SCAF11: variants seen among roughly 807,000 people sequenced by gnomAD.
SCAF11 encodes the protein SR-related CTD associated factor 11.
A neutral mutation model predicts 140.5 loss-of-function variants in SCAF11; 47 were observed. The observed-to-expected ratio is 0.33, with a 90% confidence interval of 0.26 to 0.43. The LOEUF is 0.43. SCAF11 is among the 20% of genes least tolerant of loss of function. The pLI is 1.00. For synonymous variants in SCAF11, 557 were observed against 579.4 expected (o/e 0.96, Z 0.55); for missense variants, 1,645 against 1,705.1 (o/e 0.96, Z 0.62).
intron 1 of SCAF11, among the ~76,000 whole-genome samples, chr12:45,983,347 T>C (rs1946387075): frequency 6.6e-6 from 1 of 152,118 alleles, no homozygotes; most frequent in Non-Finnish European, 1.5e-5. Context: ...ACAGACCTAA[T>C]AGACACATAG....
chr12:45,934,491 T>A lies in SCAF11; in HGVS notation c.478A>T (p.Ser160Cys). The change falls in exon 7 of 15, where the codon AGT becomes TGT. Residue 160 changes from serine (S) to cysteine (C), a missense_variant. Around this residue, in one of 2 missense-constraint regions of SCAF11, gnomAD observed 1,582 missense variants for 1,609.2 expected, o/e 0.98. Transcript: ENST00000369367. ...LKWIHRNSLY[S>C]ETGGKKNAAI... ...GCATTTTTCTTTCCTCCTGTTTCAC[T>A]GTATAAAGAGTTTCCTGTACAAAGA... 1 of 1,591,530 alleles carries A rather than the reference T, an allele frequency of 6.3e-7. No homozygotes were observed. Among genetic ancestry groups the A allele is most frequent in the African/African-American group, 1.4e-5 (1 of 73,630 alleles).
chr12:45,952,042 CTGTTA>C (rs571145140), intron 3 of SCAF11, among the ~76,000 whole-genome samples: 3 of 152,114 alleles, frequency 2.0e-5, no homozygotes, highest in African/African-American at 4.8e-5. Flanking sequence ...GTAAAGCTGG[CTGTTA>C]CACTAAACTT....
chr12:45,986,809 G>T (rs1247226158), intron 1 of SCAF11, among the ~76,000 whole-genome samples: 1 of 152,050 alleles, frequency 6.6e-6, no homozygotes, highest in Non-Finnish European at 1.5e-5. Context: ...TTCCGCTTTT[G>T]CATCTTCCTC....
chr12:45,940,046 C>T (rs1057384683), intron 6 of SCAF11, among the ~76,000 whole-genome samples: 2 of 152,142 alleles, frequency 1.3e-5, no homozygotes, highest in Non-Finnish European at 2.9e-5. Flanking sequence ...CTAAACTTTG[C>T]AATAATTCCA....
intron 1 of SCAF11, among the ~76,000 whole-genome samples, chr12:45,964,978 G>A (rs902170267): frequency 6.6e-6 from 1 of 152,128 alleles, no homozygotes; most frequent in African/African-American, 2.4e-5. Flanking sequence ...GTGTGTATGT[G>A]TGTGTCTCTA....
At chr12:45,941,406 CCT>C (rs1945298819) in intron 6 of SCAF11, among the ~76,000 whole-genome samples, 1 of 152,164 alleles carries the variant, frequency 6.6e-6, no homozygotes, top group Non-Finnish European at 1.5e-5. Context: ...TACCATTCTC[CCT>C]TTTTCTTGTA....
intron 3 of SCAF11, among the ~76,000 whole-genome samples, chr12:45,958,014 C>T (rs144074897): frequency 6.6e-6 from 1 of 152,054 alleles, no homozygotes; most frequent in Non-Finnish European, 1.5e-5. Context: ...AACCTCCCCC[C>T]ATCAGCTTCC....
intron 1 of SCAF11, among the ~76,000 whole-genome samples, chr12:45,973,142 A>G (rs529579327): frequency 6.6e-6 from 1 of 150,792 alleles, no homozygotes; most frequent in Admixed American, 6.6e-5. Context: ...CCAAATGGAA[A>G]CCAACAAAAA....
chr12:45,944,587 A>T (rs1458789580), intron 6 of SCAF11, among the ~76,000 whole-genome samples: 1 of 152,208 alleles, frequency 6.6e-6, no homozygotes, highest in Admixed American at 6.5e-5. Flanking sequence ...CTCGCTTACA[A>T]ACAGATCATA....
At position 45,964,196 on chromosome 12, in the gene SCAF11, A is replaced by G; in HGVS notation, c.-21-8T>C. 4 of 1,244,070 alleles carry G rather than the reference A, an allele frequency of 3.2e-6. No homozygotes were observed. The highest frequency in any genetic ancestry group is 4.6e-6 in the Non-Finnish European group (4 of 870,792). The allele number at this position is 1,244,070 out of a possible 1,614,324, so 77.1% of individuals were successfully genotyped here. ...TCTTTGGAAAAGGGTTTCCTATAAG[A>G]TAAATTATAATAGAGAATTTTATGT... On this transcript the variant is annotated splice_polypyrimidine_tract_variant and splice_region_variant and intron_variant, in intron 1 of 14. Transcript: ENST00000369367.
At chr12:45,953,993 TAAC>T (rs1414441682) in intron 3 of SCAF11, 1 of 244,828 alleles carries the variant, frequency 4.1e-6, no homozygotes, top group Non-Finnish European at 6.8e-6. Flanking sequence ...CATGAGTTCT[TAAC>T]AATTTTTATT....
At chr12:45,984,521 C>T (rs1285003173) in intron 1 of SCAF11, among the ~76,000 whole-genome samples, 1 of 152,168 alleles carries the variant, frequency 6.6e-6, no homozygotes. Flanking sequence ...TGTAAAGTTA[C>T]TTTTGTCCCA....
At chr12:45,953,742 T>C (rs1945609158) in intron 3 of SCAF11, 1 of 341,100 alleles carries the variant, frequency 2.9e-6, no homozygotes, top group African/African-American at 2.2e-5. Context: ...TGTGCTACTT[T>C]CGTATCTTTT....
intron 2 of SCAF11, among the ~76,000 whole-genome samples, chr12:45,963,860 C>T (rs927709565): frequency 1.3e-5 from 2 of 151,922 alleles, no homozygotes; most frequent in African/African-American, 4.8e-5. Flanking sequence ...ACAGTAATTC[C>T]TAAACCAGTA....
At chr12:45,966,112 A>C (rs1945940271) in intron 1 of SCAF11, among the ~76,000 whole-genome samples, 4 of 152,218 alleles carry the variant, frequency 2.6e-5, no homozygotes, top group Admixed American at 2.6e-4. Flanking sequence ...GTATTTAAGG[A>C]CAAACAACAT....
At chr12:45,983,565 A>T (rs1393881847) in intron 1 of SCAF11, among the ~76,000 whole-genome samples, 1 of 152,142 alleles carries the variant, frequency 6.6e-6, no homozygotes, top group African/African-American at 2.4e-5. Flanking sequence ...AACAAAGCTA[A>T]CTTAAGAGTA....
chr12:45,940,038 A>T (rs1159868930), intron 6 of SCAF11, among the ~76,000 whole-genome samples: 1 of 152,226 alleles, frequency 6.6e-6, no homozygotes, highest in Non-Finnish European at 1.5e-5. Context: ...TTCTGCCCCT[A>T]AACTTTGCAA....
chr12:45,955,497 ATCC>A (rs1945666513), intron 3 of SCAF11: 1 of 152,560 alleles, frequency 6.6e-6, no homozygotes, highest in Admixed American at 6.5e-5. Flanking sequence ...TCACTCTTAT[ATCC>A]AGCAGATATC....
chr12:45,968,650 T>C (rs1396757334), intron 1 of SCAF11, among the ~76,000 whole-genome samples: 3 of 152,124 alleles, frequency 2.0e-5, no homozygotes, highest in East Asian at 1.9e-4. Context: ...ATTCAAATAA[T>C]GGTAGTGACG....
Sources: allele counts gnomAD v4.1 joint callset (sites outside exome capture counted in the v4.1 genomes callset), GRCh38; gene constraint gnomAD v4.1.1; regional missense constraint gnomAD v4.1.1; transcripts MANE v1.5; gene names NCBI Gene and HGNC (gene_info 2026-07-23, HGNC 2026-07-21).